KRT83: variants seen among roughly 807,000 people sequenced by gnomAD.
KRT83 encodes the protein keratin, type II cuticular Hb3.
A neutral mutation model predicts 52.9 loss-of-function variants in KRT83; 51 were observed. That is an observed-to-expected ratio of 0.96 (90% CI 0.77 to 1.22). The LOEUF is 1.22. Among genes scored for constraint, KRT83 ranks in the 50% most tolerant of loss-of-function variants. KRT83 has a pLI of 0.00. For synonymous variants in KRT83, 278 were observed against 274.1 expected (o/e 1.01, Z -0.14); for missense variants, 654 against 666.5 (o/e 0.98, Z 0.21).
In KRT83 at chr12:52,317,784, G is replaced by C; in HGVS notation, c.655-8C>G. ...GTAGGCGCAGTCCACATCCTGGGTG[G>C]GGTAGAAGGGGCTGTGAGGCCGGCT... is the stretch of plus-strand genomic sequence containing the variant. On this transcript the variant is annotated splice_polypyrimidine_tract_variant and splice_region_variant and intron_variant, in intron 3 of 8. Transcript: ENST00000293670. 6.2e-7 allele frequency: 1 copy of C among 1,613,870 alleles called. No homozygotes were observed. Among genetic ancestry groups the C allele is most frequent in the Non-Finnish European group, 8.5e-7 (1 of 1,179,858 alleles).
chr12:52,316,820 A>T, intron 5 of KRT83, 39 bp downstream of exon 5: 1 of 1,613,670 alleles, frequency 6.2e-7, no homozygotes, highest in Non-Finnish European at 8.5e-7. Context: ...CATCCCTCCC[A>T]CTGCCATGTC....
chr12:52,314,780 G>T lies in KRT83; in HGVS notation c.1333C>A (p.Leu445Ile), dbSNP rs773352846. The T allele has an allele frequency of 1.9e-6, 3 of 1,607,210 alleles. No homozygotes were observed. The highest frequency in any genetic ancestry group is 3.7e-4 in the Middle Eastern group (2 of 5,390). Residue 445 changes from leucine to isoleucine, a missense_variant, in exon 9 of 9, where the codon CTC (leucine) becomes ATC (isoleucine). Coordinates refer to ENST00000293670, the MANE Select transcript of KRT83 (RefSeq NM_002282.3). ...ACCGGCCGGGAGCCCGACACGCAGAGATCCCCGCACACAACCCCACCCCGG... is the reference window on the plus strand; with the variant it reads ...ACCGGCCGGGAGCCCGACACGCAGATATCCCCGCACACAACCCCACCCCGG... ...SSRGGVVCGD[L>I]CVSGSRPVTG... is the part of the protein sequence containing the mutation.
At chr12:52,317,588 T>A (rs1394843023) in intron 4 of KRT83, 93 bp downstream of exon 4, 5 of 1,386,310 alleles carry the variant, frequency 3.6e-6, no homozygotes, top group Admixed American at 1.7e-5. Context: ...GGTTCATATG[T>A]CAGCAGGCCT....
chr12:52,317,439 C>A (rs1272347543), intron 4 of KRT83, among the ~76,000 whole-genome samples: 2 of 152,188 alleles, frequency 1.3e-5, no homozygotes, highest in African/African-American at 4.8e-5. Context: ...GGATGCAGGG[C>A]AGGTTCCCAA....
At position 52,318,082 on chromosome 12, in the gene KRT83, C is replaced by A. The variant is rs1309676616; in HGVS notation, c.594-112G>T. 6 of 999,646 alleles carry A rather than the reference C, an allele frequency of 6.0e-6. No individual in the cohort carries two copies. The African/African-American group carries it at 9.5e-5, about 16-fold the overall frequency. The allele number at this position is 999,646 out of a possible 1,614,324, so 61.9% of individuals were successfully genotyped here. A position where few individuals can be genotyped will look rare whatever the true frequency, so the allele number is the denominator to read the frequency against. ...ACCTCCCCCTGCTTGTCTCCTGCCCCCAAGTGAAATGGGTGGGGCTCTGCA... is the reference window on the plus strand; with the variant it reads ...ACCTCCCCCTGCTTGTCTCCTGCCCACAAGTGAAATGGGTGGGGCTCTGCA... On this transcript the variant is annotated intron_variant, in intron 2 of 8. Transcript: ENST00000293670.
In KRT83 at chr12:52,314,609, C is replaced by T. The variant is rs1213853938; in HGVS notation, c.*22G>A. 8 of 1,552,534 alleles carry T rather than the reference C, an allele frequency of 5.2e-6. No homozygotes were observed. In the Admixed American group the frequency reaches 7.8e-5, roughly 15 times the overall value. On this transcript the variant is annotated 3_prime_UTR_variant, in exon 9 of 9. Transcript: ENST00000293670. ...CACGTCTGGCAGGCAGAAGGGGCTC[C>T]CCTGGCTCTCTTTTGGGCCACTTAA...
rs757254909 is a variant in KRT83, at chr12:52,319,308, T to C, written c.441A>G (p.Gln147=). 8.7e-6 allele frequency: 14 copies of C among 1,614,094 alleles called. No homozygotes were observed. The highest frequency in any genetic ancestry group is 1.1e-5 in the Non-Finnish European group (13 of 1,179,932). Reference sequence around the variant, plus strand: ...GGTTACTCTGGCAGCACTCGCGGTTTTGGTAGAACTGCAGCTTTGTCTCCA... The same window carrying C: ...GGTTACTCTGGCAGCACTCGCGGTTCTGGTAGAACTGCAGCTTTGTCTCCA... The part of the protein sequence containing the change: ...KLLETKLQFY[Q]NRECCQSNLE... The change falls in exon 2 of 9, where the codon CAA becomes CAG. Residue 147 remains glutamine (Q), a synonymous_variant. Transcript: ENST00000293670.
chr12:52,321,092 A>G lies in KRT83; in HGVS notation c.244T>C (p.Cys82Arg), dbSNP rs1938761177. 6.2e-7 allele frequency: 1 copy of G among 1,612,300 alleles called. No individual in the cohort carries two copies. Among genetic ancestry groups the G allele is most frequent in the East Asian group, 2.2e-5 (1 of 44,880 alleles). Residue 82 changes from cysteine to arginine, a missense_variant, in exon 1 of 9, where the codon TGC (cysteine) becomes CGC (arginine). Coordinates refer to ENST00000293670, the MANE Select transcript of KRT83 (RefSeq NM_002282.3). ...SGGVCGPSPPCITTVSVNESL... is the reference protein window; with the variant it reads ...SGGVCGPSPPRITTVSVNESL... ...TCGTTGACCGACACGGTGGTGATGC[A>G]TGGGGGGCTGGGTCCGCACACGCCC... is the stretch of plus-strand genomic sequence containing the variant.
chr12:52,321,373 G>A lies in KRT83; in HGVS notation c.-38C>T. 1 of 1,613,338 alleles carries A rather than the reference G, an allele frequency of 6.2e-7. No homozygotes were observed. The highest frequency in any genetic ancestry group is 8.5e-7 in the Non-Finnish European group (1 of 1,179,844). ...GAGGTGTCTGAACAGTGGAGTAGAT[G>A]GCAGAGGATGGAACCAAGGGCCTGT... On this transcript the variant is annotated 5_prime_UTR_variant, in exon 1 of 9. Coordinates refer to ENST00000293670, the MANE Select transcript of KRT83 (RefSeq NM_002282.3).
At chr12:52,316,423 ACC>A (rs1418697031) in intron 6 of KRT83, 43 bp downstream of exon 6, 3 of 1,613,500 alleles carry the variant, frequency 1.9e-6, no homozygotes, top group Non-Finnish European at 2.5e-6. Context: ...CCGAGGGCTA[ACC>A]CCAGTCTCTT....
Position 52,316,097 on chromosome 12 carries a change from G to T in KRT83, c.1058C>A (p.Ala353Asp). 6.2e-7 allele frequency: 1 copy of T among 1,613,596 alleles called. No individual in the cohort carries two copies. Among genetic ancestry groups the T allele is most frequent in the Non-Finnish European group, 8.5e-7 (1 of 1,179,828 alleles). ...NAKCQNSKLE[A>D]AVAQSEQQGE... ...CTGCTGCTCAGACTGGGCCACCGCA[G>T]CTTCCAGCTTGGAGTTCTGGGAGGT... The change falls in exon 7 of 9, where the codon GCT (alanine) becomes GAT (aspartate). Residue 353 changes from alanine (A) to aspartate (D), a missense_variant. Transcript: ENST00000293670.
chr12:52,317,608 C>A, intron 4 of KRT83, 73 bp downstream of exon 4: 1 of 1,517,384 alleles, frequency 6.6e-7, no homozygotes, highest in East Asian at 2.2e-5. Context: ...TGGTTCATGC[C>A]TGTGGGTGTC....
Position 52,315,304 on chromosome 12 carries a change from ATACT to A in KRT83, c.1294+4_1294+7del, listed in dbSNP as rs779657085. The A allele has an allele frequency of 1.9e-6, 3 of 1,613,688 alleles. No homozygotes were observed. The highest frequency in any genetic ancestry group is 1.1e-5 in the South Asian group (1 of 91,066). On this transcript the variant is annotated splice_donor_5th_base_variant and intron_variant, in intron 8 of 8. Transcript: ENST00000293670. The stretch of plus-strand genomic sequence containing the variant: ...TACATTTTCCTTTTCAGGGCTCAAG[ATACT>A]TACAGACATTCACAGCTTCAACACC...
chr12:52,317,134 A>C, intron 4 of KRT83, 111 bp from the exon 5 acceptor site: 1 of 1,348,096 alleles, frequency 7.4e-7, no homozygotes, highest in Non-Finnish European at 1.1e-6. Flanking sequence ...TGTTTAGAGA[A>C]ACAAACCTGA....
rs1938658563 is a variant in KRT83, at chr12:52,314,666, A to C, written c.1447T>G (p.Cys483Gly). 1 of 1,578,116 alleles carries C rather than the reference A, an allele frequency of 6.3e-7. No individual in the cohort carries two copies. The highest frequency in any genetic ancestry group is 8.6e-7 in the Non-Finnish European group (1 of 1,162,054). Residue 483 changes from cysteine to glycine, a missense_variant, in exon 9 of 9, where the codon TGT becomes GGT. Physicochemically the swap from Cys to Gly is radical, Grantham distance 159. Transcript: ENST00000293670. ...CCCTGGCCGCAGGAGCCCCCTCCAC[A>C]GGTGGTGTTCAGCTGGCCACAGGGC... ...CKPCGQLNTT[C>G]GGGSCGQGRH
chr12:52,319,072 G>A, intron 2 of KRT83, 84 bp downstream of exon 2: 1 of 1,595,872 alleles, frequency 6.3e-7, no homozygotes, highest in Non-Finnish European at 8.6e-7. Flanking sequence ...AGAGATGCCA[G>A]CTGCAGACTG....
At position 52,321,046 on chromosome 12, in the gene KRT83, T is replaced by C; in HGVS notation, c.290A>G (p.Asn97Ser). The stretch of plus-strand genomic sequence containing the variant: ...CTGCGCGTTGGGGTCTATCTCCAGG[T>C]TGAGGGGCGTGAGGAGGCTCTCGTT... ...SVNESLLTPL[N>S]LEIDPNAQCV... Residue 97 changes from asparagine (N) to serine (S), a missense_variant, in exon 1 of 9, where the codon AAC becomes AGC. Physicochemically the swap from Asn to Ser is conservative, Grantham distance 46. Transcript: ENST00000293670. 3.7e-6 allele frequency: 6 copies of C among 1,612,738 alleles called. No homozygotes were observed. Among genetic ancestry groups the C allele is most frequent in the African/African-American group, 1.3e-5 (1 of 75,016 alleles).
intron 8 of KRT83, 134 bp from the exon 9 acceptor site, chr12:52,314,952 G>T (rs1348108935): frequency 2.4e-5 from 23 of 954,926 alleles, no homozygotes; most frequent in Non-Finnish European, 3.3e-5. Context: ...CTGAAGGAGG[G>T]AACCCTAGCC....
chr12:52,320,284 C>G (rs1258787987), intron 1 of KRT83, among the ~76,000 whole-genome samples: 1 of 152,200 alleles, frequency 6.6e-6, no homozygotes, highest in Non-Finnish European at 1.5e-5. Flanking sequence ...AGCCTTTTCT[C>G]CCAGTCTCTC....
Sources: gnomAD v4.1 joint callset for allele counts (sites outside exome capture counted in the v4.1 genomes callset) on GRCh38, gnomAD v4.1.1 for gene constraint, MANE v1.5 for transcripts, NCBI Gene and HGNC (gene_info 2026-07-23, HGNC 2026-07-21) for gene names.